INPP5D: variants seen among roughly 807,000 people sequenced by gnomAD.
INPP5D encodes phosphatidylinositol 3,4,5-trisphosphate 5-phosphatase 1.
Under a neutral mutation model 122.9 loss-of-function variants are expected in INPP5D, and 33 were observed. That is an observed-to-expected ratio of 0.27 (90% confidence interval 0.20 to 0.36). The LOEUF is 0.36. Ranked by LOEUF, INPP5D falls within the 10% of genes least tolerant of loss-of-function variation. The pLI is 1.00. For synonymous variants in INPP5D, 584 were observed against 576.2 expected, an observed-to-expected ratio of 1.01 and a Z score of -0.19; for missense variants, 1,053 against 1,412.7, an observed-to-expected ratio of 0.75 and a Z score of 4.08.
In INPP5D at chr2:233,204,323, C is replaced by T; in HGVS notation, c.3173C>T (p.Pro1058Leu). ...TGCCCGGAACCCGGCATCTTGTCGC[C>T]CAGCATCGTGCTCACCAAAGCCCAG... ...PPCPEPGILS[P>L]SIVLTKAQEA... The change falls in exon 26 of 27, where the codon CCC (proline) becomes CTC (leucine). Residue 1058 changes from proline (P) to leucine (L), a missense_variant. By Grantham distance (98) the Pro-to-Leu change is moderately conservative. Coordinates refer to ENST00000445964, the MANE Select transcript of INPP5D (RefSeq NM_001017915.3). The T allele has an allele frequency of 6.2e-7, 1 of 1,611,820 alleles. No individual in the cohort carries two copies. The highest frequency in any genetic ancestry group is 8.5e-7 in the Non-Finnish European group (1 of 1,179,200).
chr2:233,061,195 T>C (rs985803007), intron 1 of INPP5D, among the ~76,000 whole-genome samples: 30 of 152,100 alleles, frequency 2.0e-4, no homozygotes, highest in African/African-American at 6.5e-4. Flanking sequence ...TTCTCTCTCC[T>C]GAGCACTTGG....
At chr2:233,146,985 CCT>C (rs903468946) in intron 8 of INPP5D, among the ~76,000 whole-genome samples, 38 of 152,132 alleles carry the variant, frequency 2.5e-4, no homozygotes, top group African/African-American at 8.7e-4. Context: ...CCGTTCTAGA[CCT>C]GGTGATTATC....
In INPP5D at chr2:233,073,640, CAA is replaced by C. The variant is rs752382722; in HGVS notation, c.135-5670_135-5669del. Among the ~76,000 whole-genome samples, 146 of 44,182 alleles carry C rather than the reference CAA, an allele frequency of 3.3e-3. 2 individuals are homozygous for C. The highest frequency in any genetic ancestry group is 5.9e-3 in the African/African-American group (80 of 13,536). The allele number at this position is 44,182 out of a possible 152,430, so 29.0% of individuals were successfully genotyped here. On this transcript the variant is annotated intron_variant, in intron 1 of 26. Transcript: ENST00000445964. ...GGGCGACAAGAGCGAAACTCAATCT[CAA>C]AAAAAAAAAAAAAAAAAAAAAAAAT...
intron 9 of INPP5D, among the ~76,000 whole-genome samples, chr2:233,156,621 C>T (rs1694060614): frequency 6.6e-6 from 1 of 152,114 alleles, no homozygotes; most frequent in African/African-American, 2.4e-5. Flanking sequence ...TACAGCGAGC[C>T]ACCATTAGGA....
intron 9 of INPP5D, among the ~76,000 whole-genome samples, chr2:233,150,846 G>A (rs905883320): frequency 3.3e-5 from 5 of 152,158 alleles, no homozygotes; most frequent in Admixed American, 6.5e-5. Flanking sequence ...TCACACCACC[G>A]AGGTGGCTCT....
chr2:233,162,603 A>T (rs7559212), intron 11 of INPP5D, among the ~76,000 whole-genome samples: 1 of 151,820 alleles, frequency 6.6e-6, no homozygotes, highest in African/African-American at 2.4e-5. Context: ...TAAATTAGAT[A>T]GAAGACATCC....
At chr2:233,169,788 G>GT in intron 14 of INPP5D, 1 of 655,144 alleles carries the variant, frequency 1.5e-6, no homozygotes, top group Non-Finnish European at 2.5e-6. Flanking sequence ...AGCAGATGCT[G>GT]CTGCTCCTGG....
intron 9 of INPP5D, among the ~76,000 whole-genome samples, chr2:233,157,138 C>T (rs143588376): frequency 0.17 from 25,520 of 152,074 alleles, 3,861 homozygotes; most frequent in African/African-American, 0.4. Flanking sequence ...AATGTATCAC[C>T]GATTCTTCCT....
rs58617952 is a variant in INPP5D, at chr2:233,178,459, ATTATTTAT to A, written c.2071+1147_2071+1154del. 9.5e-3 allele frequency among the ~76,000 whole-genome samples: 1,378 copies of A among 145,402 alleles called. 9 individuals are homozygous for A. The highest frequency in any genetic ancestry group is 0.016 in the South Asian group (73 of 4,532). Reference sequence around the variant, plus strand: ...CACTGACTGAGAATTGTGGTATTTTATTATTTATTTATTTATTTATTTATTTATTTATT... The same window carrying A: ...CACTGACTGAGAATTGTGGTATTTTATTATTTATTTATTTATTTATTTATT... On this transcript the variant is annotated intron_variant, in intron 18 of 26. Coordinates refer to ENST00000445964, the MANE Select transcript of INPP5D (RefSeq NM_001017915.3).
Position 233,146,439 on chromosome 2 carries a change from G to T in INPP5D, c.906+1G>T, listed in dbSNP as rs1693763883. 1.4e-6 allele frequency: 1 copy of T among 704,010 alleles called. No homozygotes were observed. The highest frequency in any genetic ancestry group is 2.0e-5 in the Admixed American group (1 of 50,002). The allele number at this position is 704,010 out of a possible 1,614,324, so 43.6% of individuals were successfully genotyped here. ...CCTTATCCCTCCAGTCACCTTTGAG[G>T]TAAGTGGCCATGGGACAGCAGAGCC... is the stretch of plus-strand genomic sequence containing the variant. On this transcript the variant is annotated splice_donor_variant, in intron 8 of 26. Transcript: ENST00000445964. LOFTEE classifies it high-confidence loss of function.
At chr2:233,124,958 G>A (rs1390308465) in intron 3 of INPP5D, among the ~76,000 whole-genome samples, 1 of 152,260 alleles carries the variant, frequency 6.6e-6, no homozygotes, top group Non-Finnish European at 1.5e-5. Flanking sequence ...GTTGTCTTCA[G>A]AACCCCAGAC....
intron 1 of INPP5D, among the ~76,000 whole-genome samples, chr2:233,068,075 C>T (rs927753454): frequency 8.6e-4 from 131 of 151,858 alleles, no homozygotes; most frequent in African/African-American, 3.1e-3. Flanking sequence ...CACCTGAGGT[C>T]GGGAGTTCAA....
rs190638375 is a variant in INPP5D at position 233,099,936 on chromosome 2, T to C, written c.198+20538T>C. Among the ~76,000 whole-genome samples the C allele has an allele frequency of 3.5e-3, 537 of 152,352 alleles. 2 individuals are homozygous for C. The highest frequency in any genetic ancestry group is 0.011 in the African/African-American group (471 of 41,582). On this transcript the variant is annotated intron_variant, in intron 2 of 26. Coordinates refer to ENST00000445964, the MANE Select transcript of INPP5D (RefSeq NM_001017915.3). Reference sequence around the variant, plus strand: ...CGGAAGGTGAAGGGCACATCTCATGTGGCAGACAAGAGAAGAATGAGCTTG... The same window carrying C: ...CGGAAGGTGAAGGGCACATCTCATGCGGCAGACAAGAGAAGAATGAGCTTG...
intron 13 of INPP5D, among the ~76,000 whole-genome samples, chr2:233,167,219 A>AG (rs1299441774): frequency 2.0e-5 from 3 of 151,488 alleles, no homozygotes; most frequent in Non-Finnish European, 4.4e-5. Context: ...AAAAAAAAAA[A>AG]AAAAAAAATG....
intron 25 of INPP5D, among the ~76,000 whole-genome samples, chr2:233,198,798 A>G (rs916590439): frequency 1.3e-5 from 2 of 151,740 alleles, no homozygotes; most frequent in Admixed American, 1.3e-4. Flanking sequence ...TAAAAATACA[A>G]AATTAGCCAG....
intron 19 of INPP5D, 56 bp downstream of exon 19, chr2:233,182,555 G>C (rs956941605): frequency 1.2e-6 from 2 of 1,603,288 alleles, no homozygotes; most frequent in African/African-American, 2.7e-5. Flanking sequence ...GGAGTGTTGG[G>C]AGCTTGTCTT....
At chr2:233,095,882 A>T (rs12474242) in intron 2 of INPP5D, among the ~76,000 whole-genome samples, 107,129 of 152,022 alleles carry the variant, frequency 0.7, 37,973 homozygotes, top group Middle Eastern at 0.8. Context: ...ACTGTTTTCA[A>T]ATGTTTTATA....
chr2:233,188,225 C>T lies in INPP5D; in HGVS notation c.2359-1625C>T, dbSNP rs754661946. On this transcript the variant is annotated intron_variant, in intron 21 of 26. Coordinates refer to ENST00000445964, the MANE Select transcript of INPP5D (RefSeq NM_001017915.3). This position sits in a 1 kb window ranked among gnomAD's most constrained non-coding sequence, Gnocchi z 4.7. ...ACAGGACTGCAGGGGCCTTCACCGTCTCCTGCTCCCTGACCCCCGCCCCAC... is the reference window on the plus strand; with the variant it reads ...ACAGGACTGCAGGGGCCTTCACCGTTTCCTGCTCCCTGACCCCCGCCCCAC... Among the ~76,000 whole-genome samples, 4 of 152,132 alleles carry T rather than the reference C, an allele frequency of 2.6e-5. No individual in the cohort carries two copies. Among genetic ancestry groups the T allele is most frequent in the Non-Finnish European group, 2.9e-5 (2 of 68,024 alleles).
At chr2:233,067,366 G>A (rs192587057) in intron 1 of INPP5D, among the ~76,000 whole-genome samples, 2 of 152,162 alleles carry the variant, frequency 1.3e-5, no homozygotes, top group African/African-American at 4.8e-5. Flanking sequence ...CTGTGTTGTG[G>A]CATGAATCAC....
Sources: gnomAD v4.1 joint callset for allele counts (sites outside exome capture counted in the v4.1 genomes callset) on GRCh38, gnomAD v4.1.1 for gene constraint, Gnocchi (gnomAD v3.1) non-coding constraint, MANE v1.5 for transcripts, NCBI Gene and HGNC (gene_info 2026-07-23, HGNC 2026-07-21) for gene names.